SLC5A1: variants seen among roughly 807,000 people sequenced by gnomAD.
SLC5A1 encodes solute carrier family 5 member 1, also known as sodium/glucose cotransporter 1.
In SLC5A1, 42 loss-of-function variants were observed where a neutral mutation model predicts 73.5. The ratio of observed to expected loss-of-function variants is 0.57; its 90% CI spans 0.45 to 0.74. The LOEUF is 0.74. Ranked by LOEUF, SLC5A1 falls within the 30% of genes least tolerant of loss-of-function variation. The probability of loss-of-function intolerance (pLI) is 0.00; values close to 1 mark genes in which losing one functional copy is unlikely to be tolerated. For missense variants in SLC5A1, 634 were observed against 855.4 expected, an observed-to-expected ratio of 0.74 and a Z score of 3.23; for synonymous variants, 300 against 317.4, an observed-to-expected ratio of 0.95 and a Z score of 0.58.
Position 32,104,857 on chromosome 22 carries a change from C to T in SLC5A1, c.1737C>T (p.Asn579=). The T allele has an allele frequency of 6.2e-7, 1 of 1,614,060 alleles. No individual in the cohort carries two copies. The highest frequency in any genetic ancestry group is 8.5e-7 in the Non-Finnish European group (1 of 1,179,936). Residue 579 remains asparagine, a synonymous_variant, in exon 14 of 15, where the codon AAC becomes AAT. Coordinates refer to ENST00000266088, the MANE Select transcript of SLC5A1 (RefSeq NM_000343.4). Reference sequence around the variant, plus strand: ...TTGACCTGGATGCGGAAGAGGAGAACATCCAAGAAGGCCCTAAGGAGACCA... The same window carrying T: ...TTGACCTGGATGCGGAAGAGGAGAATATCCAAGAAGGCCCTAAGGAGACCA... ...ERIDLDAEEE[N]IQEGPKETIE...
In SLC5A1 at chr22:32,066,957, G is replaced by A; in HGVS notation, c.230G>A (p.Ser77Asn). 6.2e-7 allele frequency: 1 copy of A among 1,613,618 alleles called. No individual in the cohort carries two copies. The highest frequency in any genetic ancestry group is 8.5e-7 in the Non-Finnish European group (1 of 1,179,618). ...WWPIGASLFA[S>N]NIGSGHFVGL... ...CAGATTGGAGCCTCCCTCTTTGCTA[G>A]TAACATTGGAAGTGGCCACTTTGTG... Residue 77 changes from serine (S) to asparagine (N), a missense_variant, in exon 3 of 15, where the codon AGT (serine) becomes AAT (asparagine). This residue lies in a region of SLC5A1 where 422 missense variants were observed against 626.1 expected (regional missense o/e 0.67). Coordinates refer to ENST00000266088, the MANE Select transcript of SLC5A1 (RefSeq NM_000343.4).
At chr22:32,051,158 C>A (rs1463981290) in intron 2 of SLC5A1, among the ~76,000 whole-genome samples, 1 of 152,196 alleles carries the variant, frequency 6.6e-6, no homozygotes, top group Non-Finnish European at 1.5e-5. Context: ...ACTGGCAGAG[C>A]CAGCTCCATG....
intron 5 of SLC5A1, among the ~76,000 whole-genome samples, chr22:32,079,469 G>A (rs17745543): frequency 0.045 from 6,829 of 152,198 alleles, 206 homozygotes; most frequent in Non-Finnish European, 0.071. Context: ...CTTTATAGAG[G>A]TCATTTATAG....
chr22:32,062,559 G>A (rs2093964950), intron 2 of SLC5A1, among the ~76,000 whole-genome samples: 2 of 152,174 alleles, frequency 1.3e-5, no homozygotes, highest in African/African-American at 4.8e-5. Flanking sequence ...GGTTGGTAAA[G>A]TAGTAAGTGA....
At chr22:32,060,106 C>CAT (rs1569302170) in intron 2 of SLC5A1, among the ~76,000 whole-genome samples, 6 of 149,292 alleles carry the variant, frequency 4.0e-5, no homozygotes, top group South Asian at 2.1e-4. Flanking sequence ...CATATATATA[C>CAT]ACACACATAT....
At chr22:32,108,946 T>C (rs2094051223) in intron 14 of SLC5A1, among the ~76,000 whole-genome samples, 1 of 152,038 alleles carries the variant, frequency 6.6e-6, no homozygotes, top group South Asian at 2.1e-4. Flanking sequence ...GAGGCCAAGG[T>C]GGGAGTATTG....
intron 10 of SLC5A1, 33 bp downstream of exon 10, chr22:32,086,360 T>C: frequency 1.4e-6 from 2 of 1,448,458 alleles, no homozygotes; most frequent in Non-Finnish European, 1.9e-6. Flanking sequence ...TGGTAGAGTC[T>C]TTCTTGGGAG....
intron 11 of SLC5A1, among the ~76,000 whole-genome samples, chr22:32,093,017 T>G (rs1035457333): frequency 1.3e-5 from 2 of 152,236 alleles, no homozygotes; most frequent in Admixed American, 6.5e-5. Flanking sequence ...TTCTCCTGCA[T>G]GTGGCTTGCC....
intron 5 of SLC5A1, among the ~76,000 whole-genome samples, chr22:32,073,282 A>G (rs1046697644): frequency 6.6e-6 from 1 of 152,112 alleles, no homozygotes; most frequent in South Asian, 2.1e-4. Context: ...TTCTCCCAGT[A>G]CCATTTTTTG....
At chr22:32,082,979 G>A in intron 6 of SLC5A1, 95 bp from the exon 7 acceptor site, 2 of 953,834 alleles carry the variant, frequency 2.1e-6, no homozygotes, top group East Asian at 2.7e-5. Context: ...TTCTCAGAAG[G>A]CCAGCAGAAG....
chr22:32,060,088 TAC>T (rs746382365), intron 2 of SLC5A1, among the ~76,000 whole-genome samples: 130 of 147,556 alleles, frequency 8.8e-4, no homozygotes, highest in Middle Eastern at 3.5e-3. Context: ...CACACATGTA[TAC>T]ACACACATAT....
chr22:32,056,609 G>T (rs1252610612), intron 2 of SLC5A1, among the ~76,000 whole-genome samples: 2 of 152,098 alleles, frequency 1.3e-5, no homozygotes, highest in African/African-American at 4.8e-5. Flanking sequence ...CACTATTGGA[G>T]GATATCCCAA....
chr22:32,083,245 C>T (rs1456414349), intron 7 of SLC5A1, 91 bp downstream of exon 7: 13 of 1,052,954 alleles, frequency 1.2e-5, no homozygotes, highest in Non-Finnish European at 1.5e-6. Context: ...TACCTGCTTG[C>T]CAGACTAGGC....
intron 14 of SLC5A1, among the ~76,000 whole-genome samples, chr22:32,107,916 TCACCACCAC>T (rs932041871): frequency 2.0e-5 from 3 of 151,936 alleles, no homozygotes; most frequent in Admixed American, 2.0e-4. Context: ...ATCATCATCC[TCACCACCAC>T]CACCACCACC....
Position 32,054,799 on chromosome 22 carries a change from A to G in SLC5A1, c.207+4785A>G, listed in dbSNP as rs1005877073. On this transcript the variant is annotated intron_variant, in intron 2 of 14. Transcript: ENST00000266088. The stretch of plus-strand genomic sequence containing the variant: ...GCAATTCTCCTGCCTCAGCCTCCCT[A>G]GTAGCTAGGATTACAGGCTTGTGCT... Among the ~76,000 whole-genome samples the G allele has an allele frequency of 9.2e-5, 14 of 152,108 alleles. No individual in the cohort carries two copies. The East Asian group carries it at 1.2e-3, about 13-fold the overall frequency.
At chr22:32,068,101 G>A (rs1016328687) in intron 4 of SLC5A1, 75 bp downstream of exon 4, 3 of 1,401,400 alleles carry the variant, frequency 2.1e-6, no homozygotes, top group Non-Finnish European at 3.0e-6. Flanking sequence ...GAGGGCAGAG[G>A]AGACATTATG....
rs967858386 is a variant in SLC5A1, at chr22:32,053,696, C to T, written c.207+3682C>T. Among the ~76,000 whole-genome samples the T allele has an allele frequency of 5.3e-5, 8 of 152,028 alleles. No individual in the cohort carries two copies. The East Asian group carries it at 5.8e-4, about 11-fold the overall frequency. Reference sequence around the variant, plus strand: ...AAAAAAAATACCATTTTTTGTAATCCGTATTTCTGGTTGGTAGAAGTCGGA... The same window carrying T: ...AAAAAAAATACCATTTTTTGTAATCTGTATTTCTGGTTGGTAGAAGTCGGA... On this transcript the variant is annotated intron_variant, in intron 2 of 14. Transcript: ENST00000266088.
At chr22:32,073,958 G>A (rs2093986849) in intron 5 of SLC5A1, among the ~76,000 whole-genome samples, 1 of 152,168 alleles carries the variant, frequency 6.6e-6, no homozygotes, top group Non-Finnish European at 1.5e-5. Flanking sequence ...ATGCTGGGAG[G>A]GCTAGAGAAA....
chr22:32,088,856 G>T (rs1246153927), intron 10 of SLC5A1, among the ~76,000 whole-genome samples: 5 of 152,034 alleles, frequency 3.3e-5, no homozygotes, highest in African/African-American at 1.2e-4. Flanking sequence ...TGCAGATTCA[G>T]CCTCCTCCAC....
Sources: gnomAD v4.1 joint callset for allele counts (sites outside exome capture counted in the v4.1 genomes callset) on GRCh38, gnomAD v4.1.1 for gene constraint, gnomAD v4.1.1 regional missense constraint, MANE v1.5 for transcripts, NCBI Gene and HGNC (gene_info 2026-07-23, HGNC 2026-07-21) for gene names.